The following TNFRSF11A variants were observed in gnomAD, a reference collection of about 807,000 sequenced individuals.
TNFRSF11A encodes the protein TNF receptor superfamily member 11a.
A neutral mutation model predicts 55.7 loss-of-function variants in TNFRSF11A; 32 were observed. The ratio of observed to expected loss-of-function variants is 0.57; its 90% CI spans 0.43 to 0.77. TNFRSF11A has a LOEUF of 0.77. Among genes scored for constraint, TNFRSF11A ranks in the 30% least tolerant of loss-of-function variants. TNFRSF11A has a pLI of 0.00. For missense variants in TNFRSF11A, 753 were observed against 809.8 expected, an observed-to-expected ratio of 0.93 and a Z score of 0.85; for synonymous variants, 311 against 331.0, an observed-to-expected ratio of 0.94 and a Z score of 0.65.
At chr18:62,338,870 G>A (rs183418091) in intron 1 of TNFRSF11A, among the ~76,000 whole-genome samples, 5 of 152,166 alleles carry the variant, frequency 3.3e-5, no homozygotes, top group African/African-American at 1.2e-4. Flanking sequence ...GCATTCAAAG[G>A]ACAGGCATAA....
At chr18:62,360,768 G>A (rs1334584775) in intron 6 of TNFRSF11A, among the ~76,000 whole-genome samples, 2 of 152,134 alleles carry the variant, frequency 1.3e-5, no homozygotes, top group African/African-American at 4.8e-5. Context: ...ATCTTAAGTA[G>A]AGTTTCAGAT....
chr18:62,358,057 C>T, intron 4 of TNFRSF11A, 191 bp from the exon 5 acceptor site: 1 of 608,680 alleles, frequency 1.6e-6, no homozygotes, highest in Non-Finnish European at 2.9e-6. Flanking sequence ...GTCAGAACTG[C>T]TCTGTGGGCC....
In TNFRSF11A at chr18:62,361,773, A is replaced by T; in HGVS notation, c.710A>T (p.Lys237Ile). ...AAIIFGVCYR[K>I]KGKALTANLW... ...ATCATCTTTGGCGTTTGCTATAGGAAAAAAGGGAAAGCACTCACAGGTATT... is the reference window on the plus strand; with the variant it reads ...ATCATCTTTGGCGTTTGCTATAGGATAAAAGGGAAAGCACTCACAGGTATT... The change falls in exon 7 of 10, where the codon AAA becomes ATA. Residue 237 changes from lysine (K) to isoleucine (I), a missense_variant. Physicochemically the swap from Lys to Ile is moderately radical, Grantham distance 102. This residue lies in a region of TNFRSF11A where 567 missense variants were observed against 596.7 expected (regional missense o/e 0.95). Coordinates refer to ENST00000586569, the MANE Select transcript of TNFRSF11A (RefSeq NM_003839.4). The T allele has an allele frequency of 6.2e-7, 1 of 1,614,074 alleles. No homozygotes were observed. Among genetic ancestry groups the T allele is most frequent in the Non-Finnish European group, 8.5e-7 (1 of 1,179,970 alleles).
intron 6 of TNFRSF11A, 55 bp downstream of exon 6, chr18:62,360,104 GT>G: frequency 6.8e-7 from 1 of 1,464,002 alleles, no homozygotes; most frequent in Non-Finnish European, 9.6e-7. Flanking sequence ...TGGTCAGCTG[GT>G]TTAGATCCCT....
chr18:62,368,059 C>G (rs1260331558), intron 8 of TNFRSF11A, among the ~76,000 whole-genome samples: 1 of 152,054 alleles, frequency 6.6e-6, no homozygotes, highest in African/African-American at 2.4e-5. Context: ...CTCCCAAAAT[C>G]CTGGGATTGC....
chr18:62,354,508 C>T lies in TNFRSF11A; in HGVS notation c.401C>T (p.Ala134Val), dbSNP rs2145309468. 6.2e-7 allele frequency: 1 copy of T among 1,602,648 alleles called. No homozygotes were observed. Among genetic ancestry groups the T allele is most frequent in the Non-Finnish European group, 8.5e-7 (1 of 1,179,298 alleles). ...TGCTGCCGCCGCAACACCGAGTGCG[C>T]GCCGGGCCTGGGCGCCCAGCACCCG... ...CECCRRNTECAPGLGAQHPLQ... is the reference protein window; with the variant it reads ...CECCRRNTECVPGLGAQHPLQ... Residue 134 changes from alanine (A) to valine (V), a missense_variant, in exon 4 of 10, where the codon GCG becomes GTG. Ala to Val is a moderately conservative substitution (Grantham distance 64, BLOSUM62 0). This residue lies in a region of TNFRSF11A where 30 missense variants were observed against 58.0 expected (regional missense o/e 0.52). Transcript: ENST00000586569.
At chr18:62,334,207 T>C (rs772039713) in intron 1 of TNFRSF11A, among the ~76,000 whole-genome samples, 5 of 152,162 alleles carry the variant, frequency 3.3e-5, no homozygotes, top group Non-Finnish European at 7.4e-5. Flanking sequence ...GCTGTGTCTT[T>C]AAGGCTAATC....
At chr18:62,373,460 AAAAG>A (rs1161257434) in intron 9 of TNFRSF11A, among the ~76,000 whole-genome samples, 2 of 152,128 alleles carry the variant, frequency 1.3e-5, no homozygotes, top group African/African-American at 4.8e-5. Context: ...CTCAAAAAAA[AAAAG>A]AAAGAAAAGA....
chr18:62,329,007 C>T (rs927350683), intron 1 of TNFRSF11A, among the ~76,000 whole-genome samples: 11 of 152,254 alleles, frequency 7.2e-5, no homozygotes, highest in Admixed American at 1.3e-4. Flanking sequence ...AGGGGAGTTC[C>T]AAAGCAGGGC....
At chr18:62,367,788 C>CTTTTTTTTTTTTTT (rs67721371) in intron 8 of TNFRSF11A, among the ~76,000 whole-genome samples, 55 of 78,672 alleles carry the variant, frequency 7.0e-4, no homozygotes, top group East Asian at 1.6e-3. Context: ...TCTTCTTCTT[C>CTTTTTTTTTTTTTT]TTTTTTTTTT....
chr18:62,360,459 C>A (rs374693906), intron 6 of TNFRSF11A, among the ~76,000 whole-genome samples: 2 of 117,786 alleles, frequency 1.7e-5, no homozygotes, highest in African/African-American at 6.2e-5. Flanking sequence ...TTTTTTTTTT[C>A]TTTTTGAGAT....
chr18:62,361,926 T>C, intron 7 of TNFRSF11A, 133 bp downstream of exon 7: 1 of 853,492 alleles, frequency 1.2e-6, no homozygotes, highest in Admixed American at 2.1e-5. Context: ...ACACGTTTTA[T>C]CATTCTCTGG....
chr18:62,330,318 G>A (rs185832544), intron 1 of TNFRSF11A, among the ~76,000 whole-genome samples: 57 of 152,344 alleles, frequency 3.7e-4, no homozygotes, highest in African/African-American at 1.2e-3. Flanking sequence ...TCCTTCCTGT[G>A]TGGTCACATG....
At chr18:62,355,211 A>G (rs1479911425) in intron 4 of TNFRSF11A, among the ~76,000 whole-genome samples, 1 of 152,048 alleles carries the variant, frequency 6.6e-6, no homozygotes. Flanking sequence ...GTTTTTACTA[A>G]TCACCTTTTC....
chr18:62,354,734 T>C (rs1051938958), intron 4 of TNFRSF11A, among the ~76,000 whole-genome samples, 200 bp downstream of exon 4: 1 of 151,886 alleles, frequency 6.6e-6, no homozygotes, highest in Admixed American at 6.6e-5. Context: ...TCGGCTTAGG[T>C]TCTTCAAAGG....
chr18:62,335,201 G>A (rs1482965995), intron 1 of TNFRSF11A, among the ~76,000 whole-genome samples: 1 of 150,344 alleles, frequency 6.7e-6, no homozygotes, highest in African/African-American at 2.4e-5. Flanking sequence ...CTCGCTTCTC[G>A]GGTTCAAGCA....
intron 2 of TNFRSF11A, 32 bp from the exon 3 acceptor site, chr18:62,349,769 TTGGTTTTTTGA>T: frequency 6.2e-7 from 1 of 1,611,894 alleles, no homozygotes; most frequent in Non-Finnish European, 8.5e-7. Context: ...CTGTTTTTGT[TTGGTTTTTTGA>T]TGGTTGCATT....
intron 7 of TNFRSF11A, 97 bp from the exon 8 acceptor site, chr18:62,366,611 T>C: frequency 7.8e-7 from 1 of 1,288,464 alleles, no homozygotes; most frequent in Non-Finnish European, 1.1e-6. Flanking sequence ...TCCTATAACA[T>C]GTTGTATACC....
intron 3 of TNFRSF11A, among the ~76,000 whole-genome samples, chr18:62,352,992 A>G (rs1555772257): frequency 6.6e-6 from 1 of 152,162 alleles, no homozygotes; most frequent in Non-Finnish European, 1.5e-5. Flanking sequence ...GGAGCCCTAG[A>G]AGGGTACAAG....
Sources: allele counts gnomAD v4.1 joint callset (sites outside exome capture counted in the v4.1 genomes callset), GRCh38; gene constraint gnomAD v4.1.1; regional missense constraint gnomAD v4.1.1; transcripts MANE v1.5; gene names NCBI Gene and HGNC (gene_info 2026-07-23, HGNC 2026-07-21).